Variants in PTPRN2 observed in about 807,000 individuals in gnomAD.
PTPRN2 encodes the protein protein tyrosine phosphatase receptor type N2.
PTPRN2 carries 74 observed loss-of-function variants against 118.8 expected under a neutral mutation model. That is an observed-to-expected ratio of 0.62 (90% CI 0.52 to 0.76). The LOEUF (loss-of-function observed/expected upper bound fraction) is 0.76. Among genes scored for constraint, PTPRN2 ranks in the 30% least tolerant of loss-of-function variants. The probability of loss-of-function intolerance (pLI) is 0.00; values close to 1 mark genes in which losing one functional copy is unlikely to be tolerated. For synonymous variants in PTPRN2, 641 were observed against 608.0 expected (o/e 1.05, Z -0.80); for missense variants, 1,481 against 1,394.4 (o/e 1.06, Z -0.99).
At chr7:158,168,236 C>T (rs573447227) in intron 5 of PTPRN2, among the ~76,000 whole-genome samples, 24 of 152,310 alleles carry the variant, frequency 1.6e-4, no homozygotes, top group African/African-American at 5.8e-4. Flanking sequence ...ATGCACTGAG[C>T]CTAGTATGTC....
At chr7:157,833,499 C>T (rs6961809) in intron 12 of PTPRN2, among the ~76,000 whole-genome samples, 14,201 of 120,030 alleles carry the variant, frequency 0.12, 1,801 homozygotes, top group African/African-American at 0.32. Context: ...AGGAAGTATG[C>T]GACGTGGCCG....
intron 2 of PTPRN2, among the ~76,000 whole-genome samples, chr7:158,444,873 G>T (rs769050896): frequency 1.3e-5 from 2 of 152,196 alleles, no homozygotes; most frequent in Non-Finnish European, 2.9e-5. Flanking sequence ...TACACCCCAA[G>T]TTCATTGCTC....
intron 11 of PTPRN2, among the ~76,000 whole-genome samples, chr7:158,037,782 T>C (rs1206641022): frequency 6.6e-6 from 1 of 152,160 alleles, no homozygotes; most frequent in East Asian, 1.9e-4. Flanking sequence ...TGAAAAATGA[T>C]TTTAGAATAA....
intron 2 of PTPRN2, among the ~76,000 whole-genome samples, chr7:158,397,310 T>C (rs1034967017): frequency 6.6e-6 from 1 of 152,180 alleles, no homozygotes; most frequent in East Asian, 1.9e-4. Context: ...GCTGCGCCCA[T>C]CCAGGATGCT....
chr7:157,895,273 C>T (rs1797045361), intron 12 of PTPRN2, among the ~76,000 whole-genome samples: 1 of 149,938 alleles, frequency 6.7e-6, no homozygotes, highest in South Asian at 2.1e-4. Context: ...ATAAAATAAG[C>T]CAGAGGATCT....
At chr7:157,669,915 C>T (rs1329022069) in intron 13 of PTPRN2, among the ~76,000 whole-genome samples, 2 of 152,150 alleles carry the variant, frequency 1.3e-5, no homozygotes, top group African/African-American at 4.8e-5. Flanking sequence ...CATACCCCTG[C>T]CTCCCACACT....
chr7:157,692,689 G>A (rs1243266091), intron 12 of PTPRN2, among the ~76,000 whole-genome samples: 4 of 152,200 alleles, frequency 2.6e-5, no homozygotes, highest in Non-Finnish European at 4.4e-5. Flanking sequence ...CAGGAGGCCC[G>A]GTGCGGCTCG....
At chr7:158,071,032 T>C (rs1411970320) in intron 11 of PTPRN2, among the ~76,000 whole-genome samples, 2 of 58,060 alleles carry the variant, frequency 3.4e-5, no homozygotes, top group African/African-American at 9.4e-5. Flanking sequence ...GTGGAGGTGC[T>C]CTTAGTATGG....
At chr7:157,730,468 G>A (rs1298420659) in intron 12 of PTPRN2, among the ~76,000 whole-genome samples, 1 of 152,156 alleles carries the variant, frequency 6.6e-6, no homozygotes, top group Admixed American at 6.5e-5. Flanking sequence ...GCAAGAGGTC[G>A]CACGCCTGGC....
chr7:158,453,015 CT>C (rs1818197272), intron 2 of PTPRN2, among the ~76,000 whole-genome samples: 1 of 152,248 alleles, frequency 6.6e-6, no homozygotes, highest in African/African-American at 2.4e-5. Flanking sequence ...GGGCATGATG[CT>C]TTTAACTTGA....
chr7:157,631,728 A>T (rs1167826565), intron 14 of PTPRN2, among the ~76,000 whole-genome samples: 1 of 151,592 alleles, frequency 6.6e-6, no homozygotes, highest in African/African-American at 2.4e-5. Flanking sequence ...GCTACACAGG[A>T]GGCTGAGGCA....
At chr7:158,418,318 A>AT (rs1814922066) in intron 2 of PTPRN2, among the ~76,000 whole-genome samples, 1 of 149,668 alleles carries the variant, frequency 6.7e-6, no homozygotes, top group Non-Finnish European at 1.5e-5. Context: ...GTCATGGTGT[A>AT]CTACATCGAG....
rs544016748 is a variant in PTPRN2 at position 157,617,741 on chromosome 7, A to G, written c.2344+3621T>C. ...AGGCAGCTGTGGTCCTCCAGCAGCA[A>G]TGCCCTCAGAAGCTGGGAGATGTGA... On this transcript the variant is annotated intron_variant, in intron 15 of 22. Transcript: ENST00000389418. The surrounding 1 kb of genome is among the most constrained non-coding windows in gnomAD (Gnocchi z 7.5). 1.1e-4 allele frequency: 16 copies of G among 152,284 alleles called. No homozygotes were observed. Among genetic ancestry groups the G allele is most frequent in the Non-Finnish European group, 2.1e-4 (14 of 68,060 alleles). The allele number at this position is 152,284 out of a possible 1,614,324, so 9.4% of individuals were successfully genotyped here.
At chr7:157,673,335 T>G (rs2150785494) in intron 13 of PTPRN2, among the ~76,000 whole-genome samples, 1 of 152,336 alleles carries the variant, frequency 6.6e-6, no homozygotes, top group South Asian at 2.1e-4. Flanking sequence ...GATTTCATTC[T>G]TAACCATCAG....
Position 158,133,883 on chromosome 7 carries a change from C to G in PTPRN2, c.1350G>C (p.Gln450His). The change falls in exon 9 of 23, where the codon CAG (glutamine) becomes CAC (histidine). Residue 450 changes from glutamine (Q) to histidine (H), a missense_variant. By Grantham distance (24) the Gln-to-His change is conservative. Coordinates refer to ENST00000389418, the MANE Select transcript of PTPRN2 (RefSeq NM_002847.5). ...GCCCCAGCAGATCTTTGGAATACGT[C>G]TGGCTCTTGACGTTCTCCACTCCGG... ...ETAGVENVKS[Q>H]TYSKDLLGQQ... is the part of the protein sequence containing the mutation. 1 of 1,613,940 alleles carries G rather than the reference C, an allele frequency of 6.2e-7. No individual in the cohort carries two copies. The highest frequency in any genetic ancestry group is 8.5e-7 in the Non-Finnish European group (1 of 1,180,052).
intron 11 of PTPRN2, among the ~76,000 whole-genome samples, chr7:157,996,845 T>G (rs1005408876): frequency 1.3e-5 from 2 of 152,186 alleles, no homozygotes; most frequent in Non-Finnish European, 1.5e-5. Flanking sequence ...CAGGGGACCA[T>G]GTATGACCTG....
At chr7:158,370,164 G>A (rs1045001687) in intron 2 of PTPRN2, among the ~76,000 whole-genome samples, 2 of 152,214 alleles carry the variant, frequency 1.3e-5, no homozygotes, top group Non-Finnish European at 2.9e-5. Context: ...AGAGGCCAGC[G>A]CAGTGGCTCA....
intron 12 of PTPRN2, among the ~76,000 whole-genome samples, chr7:157,833,440 G>C (rs1057043756): frequency 1.4e-5 from 2 of 147,602 alleles, no homozygotes; most frequent in Non-Finnish European, 3.0e-5. Context: ...TTGTCCAGGA[G>C]CGAGATGTGG....
At chr7:157,949,154 T>C (rs1800663728) in intron 11 of PTPRN2, among the ~76,000 whole-genome samples, 1 of 152,202 alleles carries the variant, frequency 6.6e-6, no homozygotes, top group South Asian at 2.1e-4. Flanking sequence ...AGATAAGGTA[T>C]ACTTTGTATG....
Sources: gnomAD v4.1 joint callset for allele counts (sites outside exome capture counted in the v4.1 genomes callset) on GRCh38, gnomAD v4.1.1 for gene constraint, Gnocchi (gnomAD v3.1) non-coding constraint, MANE v1.5 for transcripts, NCBI Gene and HGNC (gene_info 2026-07-23, HGNC 2026-07-21) for gene names.